Variants in B4GALT1 observed in about 807,000 individuals in gnomAD.
B4GALT1 encodes N-acetyllactosamine synthase.
In B4GALT1, 16 loss-of-function variants were observed where a neutral mutation model predicts 34.9. The ratio of observed to expected loss-of-function variants is 0.46; its 90% CI spans 0.31 to 0.70. The LOEUF is 0.70. Among genes scored for constraint, B4GALT1 ranks in the 30% least tolerant of loss-of-function variants. The probability of loss-of-function intolerance (pLI) is 0.05; values close to 1 mark genes in which losing one functional copy is unlikely to be tolerated. For missense variants in B4GALT1, 445 were observed against 530.5 expected, an observed-to-expected ratio of 0.84 and a Z score of 1.58; for synonymous variants, 221 against 218.1, an observed-to-expected ratio of 1.01 and a Z score of -0.12.
upstream of B4GALT1, among the ~76,000 whole-genome samples, chr9:33,168,175 G>A (rs1183594316): frequency 6.0e-4 from 92 of 152,238 alleles, 1 homozygote; most frequent in Non-Finnish European, 1.2e-4. Context: ...GGCCCCGGCA[G>A]ATTAAGAAAC....
In B4GALT1 at chr9:33,120,569, T is replaced by A; in HGVS notation, c.686A>T (p.Asn229Ile). 6.2e-7 allele frequency: 1 copy of A among 1,614,194 alleles called. No homozygotes were observed. Among genetic ancestry groups the A allele is most frequent in the Non-Finnish European group, 8.5e-7 (1 of 1,180,030 alleles). The part of the protein sequence containing the change: ...DTIFNRAKLL[N>I]VGFQEALKDY... ...CTTCAAGGCTTCTTGAAAGCCAACA[T>A]TGAGGAGCTTAGCACGATTGAATAT... The change falls in exon 3 of 6, where the codon AAT (asparagine) becomes ATT (isoleucine). Residue 229 changes from asparagine to isoleucine, a missense_variant. Physicochemically the swap from Asn to Ile is moderately radical, Grantham distance 149. Coordinates refer to ENST00000379731, the MANE Select transcript of B4GALT1 (RefSeq NM_001497.4).
chr9:33,166,013 C>A (rs1216960866), intron 1 of B4GALT1, among the ~76,000 whole-genome samples: 1 of 152,102 alleles, frequency 6.6e-6, no homozygotes, highest in Non-Finnish European at 1.5e-5. Context: ...AGCTCTCTGC[C>A]CCTGGGAGAG....
upstream of B4GALT1, among the ~76,000 whole-genome samples, chr9:33,171,246 T>C (rs1402351757): frequency 2.0e-5 from 3 of 152,190 alleles, no homozygotes; most frequent in African/African-American, 7.2e-5. Flanking sequence ...ACTGGCACAG[T>C]TGGAAGTTCC....
intron 2 of B4GALT1, among the ~76,000 whole-genome samples, chr9:33,123,744 G>A (rs372872010): frequency 1.3e-5 from 2 of 152,138 alleles, no homozygotes; most frequent in East Asian, 3.9e-4. Flanking sequence ...CCTCTCCCAG[G>A]AATTGGAATT....
intron 2 of B4GALT1, among the ~76,000 whole-genome samples, chr9:33,132,423 G>A (rs1396761035): frequency 6.6e-6 from 1 of 152,202 alleles, no homozygotes; most frequent in African/African-American, 2.4e-5. Context: ...GTGTACACCG[G>A]GGTACCAAAG....
downstream of B4GALT1, among the ~76,000 whole-genome samples, chr9:33,108,940 T>C (rs1388308036): frequency 1.6e-5 from 1 of 62,638 alleles, no homozygotes; most frequent in African/African-American, 3.7e-5. Flanking sequence ...ATATTTATGC[T>C]AGGAGAATCT....
chr9:33,160,333 T>C (rs1411747802), intron 1 of B4GALT1, among the ~76,000 whole-genome samples: 1 of 152,224 alleles, frequency 6.6e-6, no homozygotes, highest in African/African-American at 2.4e-5. Context: ...TTATGGCATA[T>C]TCAGCTGACA....
chr9:33,113,142 C>G lies in B4GALT1; in HGVS notation c.*312G>C. The G allele has an allele frequency of 2.7e-6, 1 of 370,308 alleles. No homozygotes were observed. The highest frequency in any genetic ancestry group is 3.5e-5 in the South Asian group (1 of 28,658). 22.9% of individuals were successfully genotyped at this position (370,308 alleles called of 1,614,324 possible). A position where few individuals can be genotyped will look rare whatever the true frequency, so the allele number is the denominator to read the frequency against. On this transcript the variant is annotated 3_prime_UTR_variant, in exon 6 of 6. Transcript: ENST00000379731. ...TTTCACGACAATTTAGCAATTCTAT[C>G]ACCGGGAATGTGTTCCACGGCCACC...
intron 1 of B4GALT1, among the ~76,000 whole-genome samples, chr9:33,158,457 T>C (rs748946044): frequency 1.8e-4 from 28 of 152,190 alleles, no homozygotes; most frequent in Non-Finnish European, 3.4e-4. Flanking sequence ...TCTCTTTCTT[T>C]TATCATCTTC....
chr9:33,182,524 C>A, the B4GALT1 span, among the ~76,000 whole-genome samples: 4 of 152,156 alleles, frequency 2.6e-5, 1 homozygote, highest in Admixed American at 2.6e-4. Context: ...TCAGACTCCC[C>A]CTGGACTGAC....
At chr9:33,162,555 T>C (rs1361769859) in intron 1 of B4GALT1, among the ~76,000 whole-genome samples, 2 of 152,146 alleles carry the variant, frequency 1.3e-5, no homozygotes, top group African/African-American at 4.8e-5. Flanking sequence ...AAGACACACC[T>C]TGCAGGGATC....
chr9:33,110,382 G>A (rs1839839507), downstream of B4GALT1, among the ~76,000 whole-genome samples: 1 of 152,188 alleles, frequency 6.6e-6, no homozygotes, highest in African/African-American at 2.4e-5. Flanking sequence ...ACTTTGAAAT[G>A]GCACTAGCTA....
At position 33,116,534 on chromosome 9, in the gene B4GALT1, T is replaced by TG. The variant is rs1296039528; in HGVS notation, c.837-422_837-421insC. On this transcript the variant is annotated intron_variant, in intron 3 of 5. Coordinates refer to ENST00000379731, the MANE Select transcript of B4GALT1 (RefSeq NM_001497.4). ...ACCAAACCGGATCTTTTTTTTTTTT[T>TG]TTTTTTGAAGGAGTCTCGCTCTGTA... Among the ~76,000 whole-genome samples the TG allele has an allele frequency of 6.2e-3, 919 of 149,378 alleles. 16 individuals carry two copies. The highest frequency in any genetic ancestry group is 0.022 in the African/African-American group (870 of 40,402).
At chr9:33,117,917 T>A (rs1436886654) in intron 3 of B4GALT1, among the ~76,000 whole-genome samples, 1 of 152,216 alleles carries the variant, frequency 6.6e-6, no homozygotes, top group Non-Finnish European at 1.5e-5. Flanking sequence ...CAGAGGGAAG[T>A]ACATGCCAAG....
the B4GALT1 span, among the ~76,000 whole-genome samples, chr9:33,175,337 A>G: frequency 6.6e-6 from 1 of 151,944 alleles, no homozygotes; most frequent in Admixed American, 6.6e-5. Flanking sequence ...TAAAAAAAAG[A>G]ATATTATTGG....
intron 2 of B4GALT1, among the ~76,000 whole-genome samples, chr9:33,127,559 C>A (rs761721021): frequency 1.1e-4 from 16 of 152,194 alleles, no homozygotes; most frequent in Non-Finnish European, 1.6e-4. Flanking sequence ...AAATGTGGAA[C>A]AAACCAACAC....
Position 33,167,301 on chromosome 9 carries a change from G to T in B4GALT1, c.-132C>A. 5 of 1,201,928 alleles carry T rather than the reference G, an allele frequency of 4.2e-6. No individual in the cohort carries two copies. In the East Asian group the frequency reaches 9.1e-5, roughly 22 times the overall value. 74.5% of individuals were successfully genotyped at this position (1,201,928 alleles called of 1,614,324 possible). ...GGAGCGGGGGCGGGCGAGCGGCTGA[G>T]AGCTGAGACTCCTCCAGCCAGCCAG... On this transcript the variant is annotated 5_prime_UTR_variant, in exon 1 of 6. Transcript: ENST00000379731.
At position 33,113,355 on chromosome 9, in the gene B4GALT1, A is replaced by C; in HGVS notation, c.*99T>G. On this transcript the variant is annotated 3_prime_UTR_variant, in exon 6 of 6. Coordinates refer to ENST00000379731, the MANE Select transcript of B4GALT1 (RefSeq NM_001497.4). ...GATGAGCGAAGGGGACCTGTCACTC[A>C]GACTGGTAAAAATGAGAGGGACCAG... The C allele has an allele frequency of 6.4e-7, 1 of 1,554,874 alleles. No individual in the cohort carries two copies. The highest frequency in any genetic ancestry group is 8.9e-7 in the Non-Finnish European group (1 of 1,127,796).
the B4GALT1 span, among the ~76,000 whole-genome samples, chr9:33,174,958 TAAAAAAAAAAAAAAAAA>T: frequency 3.0e-4 from 4 of 13,354 alleles, no homozygotes; most frequent in African/African-American, 1.1e-3. Flanking sequence ...GACTCTGTCT[TAAAAAAAAAAAAAAAAA>T]AAAAAAAAAA....
Sources: gnomAD v4.1 joint callset for allele counts (sites outside exome capture counted in the v4.1 genomes callset) on GRCh38, gnomAD v4.1.1 for gene constraint, MANE v1.5 for transcripts, NCBI Gene and HGNC (gene_info 2026-07-23, HGNC 2026-07-21) for gene names.